Variants in RBL1 observed in about 807,000 individuals in gnomAD.
RBL1 encodes retinoblastoma-like protein 1.
Under a neutral mutation model 123.0 loss-of-function variants are expected in RBL1, and 82 were observed. That is an observed-to-expected ratio of 0.67 (90% CI 0.56 to 0.80). The LOEUF (loss-of-function observed/expected upper bound fraction) is 0.80. RBL1 is among the 30% of genes least tolerant of loss of function. The pLI, the probability that RBL1 is intolerant of heterozygous loss-of-function variation, is 0.00. For synonymous variants in RBL1, 405 were observed against 441.3 expected (o/e 0.92, Z 1.03); for missense variants, 1,171 against 1,299.6 (o/e 0.90, Z 1.52).
chr20:37,088,913 A>G, intron 2 of RBL1, 76 bp downstream of exon 2: 1 of 1,008,386 alleles, frequency 9.9e-7, no homozygotes, highest in Non-Finnish European at 1.4e-6. Context: ...ATGAAGTCAA[A>G]TGATCTCAAA....
intron 1 of RBL1, among the ~76,000 whole-genome samples, chr20:37,095,544 T>C (rs1252142337): frequency 6.6e-6 from 1 of 152,226 alleles, no homozygotes; most frequent in Non-Finnish European, 1.5e-5. Context: ...GCCTGGGGTC[T>C]GAGCGGCGCG....
intron 21 of RBL1, among the ~76,000 whole-genome samples, chr20:37,000,458 G>T (rs2063952681): frequency 6.9e-6 from 1 of 144,490 alleles, no homozygotes; most frequent in South Asian, 2.2e-4. Context: ...CCGTCCGGGA[G>T]GGAGGTGGGG....
intron 8 of RBL1, 125 bp downstream of exon 8, chr20:37,061,951 AAGGCTTTC>A: frequency 9.5e-7 from 1 of 1,047,430 alleles, no homozygotes. Flanking sequence ...ATTACCTTTT[AAGGCTTTC>A]ATGAGAAATA....
At chr20:37,067,874 A>T in intron 3 of RBL1, 112 bp downstream of exon 3, 1 of 1,239,058 alleles carries the variant, frequency 8.1e-7, no homozygotes, top group Non-Finnish European at 1.1e-6. Context: ...AAAAGAAAAT[A>T]ATTAAGTTCT....
At chr20:37,075,642 G>T (rs2065352187) in intron 2 of RBL1, among the ~76,000 whole-genome samples, 4 of 152,098 alleles carry the variant, frequency 2.6e-5, no homozygotes, top group Admixed American at 2.6e-4. Context: ...TTTTGGTAGA[G>T]ATGGGGTTTT....
In RBL1 at chr20:36,997,331, C is replaced by T. The variant is rs968141655; in HGVS notation, c.*1428G>A. On this transcript the variant is annotated 3_prime_UTR_variant, in exon 22 of 22. Coordinates refer to ENST00000373664, the MANE Select transcript of RBL1 (RefSeq NM_002895.5). ...GAGTACTCAGTACTCCCTAGTACAT[C>T]CCTAGTACTGAAAAAAGCATCCCTA... The T allele has an allele frequency of 2.0e-5, 3 of 151,920 alleles. No homozygotes were observed. The highest frequency in any genetic ancestry group is 4.4e-5 in the Non-Finnish European group (3 of 68,004). The allele number at this position is 151,920 out of a possible 1,614,324, so 9.4% of individuals were successfully genotyped here. A position where few individuals can be genotyped will look rare whatever the true frequency, so the allele number is the denominator to read the frequency against.
intron 2 of RBL1, among the ~76,000 whole-genome samples, chr20:37,076,120 A>T (rs1349878993): frequency 2.0e-5 from 3 of 152,184 alleles, no homozygotes; most frequent in Admixed American, 1.3e-4. Context: ...ATAAACATAT[A>T]CCAGCATACA....
At chr20:37,062,515 A>G (rs1276448348) in intron 7 of RBL1, among the ~76,000 whole-genome samples, 1 of 152,046 alleles carries the variant, frequency 6.6e-6, no homozygotes, top group Admixed American at 6.6e-5. Flanking sequence ...AACTAGTTGA[A>G]TCTAATTATG....
chr20:37,012,970 G>T (rs1283768004), intron 19 of RBL1, among the ~76,000 whole-genome samples: 4 of 151,596 alleles, frequency 2.6e-5, no homozygotes, highest in Non-Finnish European at 5.9e-5. Flanking sequence ...AGGTGGGGGG[G>T]TCAGCCCCCC....
At chr20:37,013,038 C>T (rs879590418) in intron 19 of RBL1, among the ~76,000 whole-genome samples, 8 of 147,900 alleles carry the variant, frequency 5.4e-5, no homozygotes, top group South Asian at 2.2e-4. Context: ...CTGCCCCTAC[C>T]GGGAAGTGAG....
rs193201468 is a variant in RBL1 at position 37,091,339 on chromosome 20, C to T, written c.157-2217G>A. On this transcript the variant is annotated intron_variant, in intron 1 of 21. Transcript: ENST00000373664. ...CGCCACTGCACTCCAGCCTGCGCAA[C>T]GGGAGTGAGACTCCATCTCAAAAAA... Among the ~76,000 whole-genome samples the T allele has an allele frequency of 1.4e-4, 21 of 149,670 alleles. No homozygotes were observed. In the East Asian group the frequency reaches 3.7e-3, roughly 26 times the overall value.
intron 21 of RBL1, among the ~76,000 whole-genome samples, chr20:37,000,644 G>GGAGGTCAGCCCCC: frequency 7.1e-6 from 1 of 139,864 alleles, no homozygotes; most frequent in African/African-American, 2.7e-5. Flanking sequence ...GAGGTGAGGG[G>GGAGGTCAGCCCCC]CGCCTCTGCC....
chr20:37,074,204 A>C (rs983772828), intron 2 of RBL1, among the ~76,000 whole-genome samples: 2 of 152,046 alleles, frequency 1.3e-5, no homozygotes, highest in Non-Finnish European at 2.9e-5. Flanking sequence ...CTTTGAGTCC[A>C]GGAGTTCGAG....
intron 21 of RBL1, among the ~76,000 whole-genome samples, chr20:37,001,261 A>G (rs1207590001): frequency 6.6e-6 from 1 of 151,872 alleles, no homozygotes; most frequent in African/African-American, 2.4e-5. Flanking sequence ...TGGGAGGTGT[A>G]CTCAACAGCT....
chr20:37,026,857 G>T (rs1481663838), intron 16 of RBL1, among the ~76,000 whole-genome samples: 2 of 151,162 alleles, frequency 1.3e-5, no homozygotes, highest in Non-Finnish European at 2.9e-5. Flanking sequence ...AAAAAAATTA[G>T]CTGGGCATGG....
intron 21 of RBL1, 150 bp downstream of exon 21, chr20:37,003,552 C>T: frequency 7.8e-7 from 1 of 1,278,486 alleles, no homozygotes; most frequent in Non-Finnish European, 1.0e-6. Flanking sequence ...GAATATACTG[C>T]TCTTGATGAG....
chr20:37,054,456 C>T (rs1012478264), intron 11 of RBL1, among the ~76,000 whole-genome samples: 9 of 151,716 alleles, frequency 5.9e-5, no homozygotes, highest in African/African-American at 2.2e-4. Flanking sequence ...TGCACTCCAG[C>T]CTGGGTGACA....
At chr20:36,999,351 A>G (rs1053418400) in intron 21 of RBL1, among the ~76,000 whole-genome samples, 1 of 152,134 alleles carries the variant, frequency 6.6e-6, no homozygotes, top group African/African-American at 2.4e-5. Context: ...TGCAGTGAGC[A>G]GTGATCATGC....
rs189065687 is a variant in RBL1, at chr20:37,063,538, A to C, written c.897-1268T>G. ...ATTTTTTTTCTTTAATTGAGATGGA[A>C]TCTCGCTCTGTTGCCTAGGCTGGAG... is the stretch of plus-strand genomic sequence containing the variant. On this transcript the variant is annotated intron_variant, in intron 7 of 21. Transcript: ENST00000373664. Among the ~76,000 whole-genome samples, 7 of 152,148 alleles carry C rather than the reference A, an allele frequency of 4.6e-5. No homozygotes were observed. In the East Asian group the frequency reaches 1.4e-3, roughly 29 times the overall value.
Sources: gnomAD v4.1 joint callset for allele counts (sites outside exome capture counted in the v4.1 genomes callset) on GRCh38, gnomAD v4.1.1 for gene constraint, MANE v1.5 for transcripts, NCBI Gene and HGNC (gene_info 2026-07-23, HGNC 2026-07-21) for gene names.